ACBD4: variants seen among roughly 807,000 people sequenced by gnomAD.
ACBD4 encodes acyl-CoA binding domain containing 4.
ACBD4 carries 41 observed loss-of-function variants against 46.0 expected under a neutral mutation model. The observed-to-expected ratio is 0.89, with a 90% confidence interval of 0.69 to 1.16. The LOEUF (loss-of-function observed/expected upper bound fraction) is 1.16. Among genes scored for constraint, ACBD4 ranks in the 50% most tolerant of loss-of-function variants. The probability of loss-of-function intolerance (pLI) is 0.00; values close to 1 mark genes in which losing one functional copy is unlikely to be tolerated. For synonymous variants in ACBD4, 162 were observed against 155.9 expected (o/e 1.04, Z -0.29); for missense variants, 393 against 399.5 (o/e 0.98, Z 0.14).
At chr17:45,136,087 C>T in intron 1 of ACBD4, 21 bp from the exon 2 acceptor site, 3 of 1,588,020 alleles carry the variant, frequency 1.9e-6, no homozygotes, top group Non-Finnish European at 8.6e-7. Context: ...GGCCCCCTCA[C>T]ACGAAGGCTG....
At chr17:45,134,953 G>C (rs1248206739), upstream of ACBD4, among the ~76,000 whole-genome samples, 1 of 148,644 alleles carries the variant, frequency 6.7e-6, no homozygotes, top group Non-Finnish European at 1.5e-5. Flanking sequence ...ATCATTCTGC[G>C]ATGTCCATTT....
chr17:45,136,924 CT>C, intron 4 of ACBD4, 94 bp from the exon 5 acceptor site: 2 of 1,600,040 alleles, frequency 1.2e-6, no homozygotes, highest in Non-Finnish European at 8.5e-7. Flanking sequence ...TCTTTGGCCC[CT>C]GACTGGGCAC....
Position 45,136,821 on chromosome 17 carries a change from C to T in ACBD4, c.294+45C>T, listed in dbSNP as rs553028375. ...TGTCCCCAGGCTCCTGGCCAGGTGG[C>T]CTCACCCTTCCAGTTCTGACCCCCA... is the stretch of plus-strand genomic sequence containing the variant. On this transcript the variant is annotated intron_variant, in intron 4 of 9. Transcript: ENST00000321854. 1.2e-5 allele frequency: 19 copies of T among 1,609,966 alleles called. No homozygotes were observed. In the East Asian group the frequency reaches 3.6e-4, roughly 30 times the overall value.
At chr17:45,136,047 C>T (rs376895522) in intron 1 of ACBD4, 61 bp from the exon 2 acceptor site, 6 of 1,303,358 alleles carry the variant, frequency 4.6e-6, no homozygotes, top group Admixed American at 4.1e-5. Context: ...GAAGTGAATC[C>T]TTGGCTTATG....
intron 9 of ACBD4, among the ~76,000 whole-genome samples, chr17:45,139,700 T>C (rs555943498): frequency 6.6e-6 from 1 of 152,302 alleles, no homozygotes; most frequent in East Asian, 1.9e-4. Flanking sequence ...CCCTATGAGA[T>C]AGAGTTTCTT....
In ACBD4 at chr17:45,144,157, T is replaced by C. The variant is rs930316632; in HGVS notation, c.*586T>C. 4 of 152,692 alleles carry C rather than the reference T, an allele frequency of 2.6e-5. 1 individual carries two copies. The highest frequency in any genetic ancestry group is 2.6e-4 in the Admixed American group (4 of 15,322). 9.5% of individuals were successfully genotyped at this position (152,692 alleles called of 1,614,324 possible). On this transcript the variant is annotated 3_prime_UTR_variant, in exon 10 of 10. Coordinates refer to ENST00000321854, the MANE Select transcript of ACBD4 (RefSeq NM_001135705.3). ...ATTCACTTACAAAGGAATGTTTCAC[T>C]AAATAAAAGAAAACCAGAATCTTCT... is the stretch of plus-strand genomic sequence containing the variant.
upstream of ACBD4, chr17:45,132,263 C>A: frequency 7.8e-7 from 1 of 1,275,384 alleles, no homozygotes; most frequent in Non-Finnish European, 9.9e-7. The surrounding 1 kb of genome is among the most constrained non-coding windows in gnomAD (Gnocchi z 4.6). Context: ...TTCTTCAGCG[C>A]CCGCAGCCCG....
In ACBD4 at chr17:45,143,907, A is replaced by C; in HGVS notation, c.*336A>C. ...GTCTCTGGGTCACCCGAATTTTCCC[A>C]CCCCTGCTTCTCCCCGAGGAGGTTG... On this transcript the variant is annotated 3_prime_UTR_variant, in exon 10 of 10. Transcript: ENST00000321854. 3.0e-6 allele frequency: 1 copy of C among 328,010 alleles called. No homozygotes were observed. Among genetic ancestry groups the C allele is most frequent in the Non-Finnish European group, 5.6e-6 (1 of 177,620 alleles). 20.3% of individuals were successfully genotyped at this position (328,010 alleles called of 1,614,324 possible).
rs935961977 is a variant in ACBD4, at chr17:45,136,547, T to C, written c.136T>C (p.Tyr46His). 4 of 1,613,732 alleles carry C rather than the reference T, an allele frequency of 2.5e-6. No homozygotes were observed. The highest frequency in any genetic ancestry group is 1.7e-5 in the Admixed American group (1 of 59,984). ...AGAGATGCTGCGATTCTACAGTTAC[T>C]ACAAGCAGGCCACCATGGGGCCCTG... ...YEEMLRFYSY[Y>H]KQATMGPCLV... Residue 46 changes from tyrosine (Y) to histidine (H), a missense_variant, in exon 3 of 10, where the codon TAC (tyrosine) becomes CAC (histidine). Tyr to His is a moderately conservative substitution (Grantham distance 83, BLOSUM62 2). This residue lies in a region of ACBD4 where 24 missense variants were observed against 47.4 expected (regional missense o/e 0.51). Transcript: ENST00000321854.
intron 9 of ACBD4, 129 bp downstream of exon 9, chr17:45,139,289 T>C: frequency 1.0e-6 from 1 of 968,684 alleles, no homozygotes; most frequent in South Asian, 1.5e-5. Context: ...GAGAATGGCA[T>C]GGCTCCTGCT....
At chr17:45,141,315 A>C (rs1247005015) in intron 9 of ACBD4, among the ~76,000 whole-genome samples, 1 of 152,078 alleles carries the variant, frequency 6.6e-6, no homozygotes, top group Non-Finnish European at 1.5e-5. Context: ...TTTGGGTCTA[A>C]TTACATCCTC....
chr17:45,137,156 G>C lies in ACBD4; in HGVS notation c.415+17G>C, dbSNP rs369967440. ...GGGTCACAGGTCAGACTCCCAGGCT[G>C]GGAGCTCCAAAAGTGCTGAGTGAAC... On this transcript the variant is annotated intron_variant, in intron 5 of 9. Coordinates refer to ENST00000321854, the MANE Select transcript of ACBD4 (RefSeq NM_001135705.3). 1 of 1,613,944 alleles carries C rather than the reference G, an allele frequency of 6.2e-7. No individual in the cohort carries two copies. The highest frequency in any genetic ancestry group is 1.3e-5 in the African/African-American group (1 of 75,024).
chr17:45,136,866 A>T, intron 4 of ACBD4, 90 bp downstream of exon 4: 2 of 1,583,574 alleles, frequency 1.3e-6, no homozygotes, highest in East Asian at 2.3e-5. Flanking sequence ...CTACACATGG[A>T]CCCCCTCATG....
chr17:45,141,208 G>T (rs1219150183), intron 9 of ACBD4, among the ~76,000 whole-genome samples: 3 of 152,152 alleles, frequency 2.0e-5, no homozygotes, highest in Non-Finnish European at 4.4e-5. Flanking sequence ...CATTGCATTT[G>T]TTCCCCTTTC....
chr17:45,134,922 C>T (rs1440524094), upstream of ACBD4, among the ~76,000 whole-genome samples: 1 of 151,960 alleles, frequency 6.6e-6, no homozygotes, highest in African/African-American at 2.4e-5. Context: ...TCCCCAGTAC[C>T]CTTCCCAGCC....
chr17:45,132,626 G>T (rs546149193), upstream of ACBD4: 2 of 264,954 alleles, frequency 7.5e-6, no homozygotes, highest in East Asian at 1.5e-4. This position sits in a 1 kb window ranked among gnomAD's most constrained non-coding sequence, Gnocchi z 4.6. Flanking sequence ...GCCAGGCGGT[G>T]GCCTGGAAGC....
Position 45,139,141 on chromosome 17 carries a change from T to C in ACBD4, c.770T>C (p.Met257Thr). 2.5e-6 allele frequency: 4 copies of C among 1,613,640 alleles called. No homozygotes were observed. The highest frequency in any genetic ancestry group is 2.5e-6 in the Non-Finnish European group (3 of 1,180,008). The change falls in exon 9 of 10, where the codon ATG becomes ACG. Residue 257 changes from methionine (M) to threonine (T), a missense_variant. Physicochemically the swap from Met to Thr is moderately conservative, Grantham distance 81 (BLOSUM62 -1). This residue lies in a region of ACBD4 where 308 missense variants were observed against 301.8 expected (regional missense o/e 1.02). Transcript: ENST00000321854. ...GCGAGGGTGCAGAGCCTGGAGAGCA[T>C]GCCCCGGCCCCCTGAGCAGGTAGAG... is the stretch of plus-strand genomic sequence containing the variant. ...VQARVQSLES[M>T]PRPPEQRPQP...
At chr17:45,133,320 G>C (rs2054560128), upstream of ACBD4, 1 of 152,368 alleles carries the variant, frequency 6.6e-6, no homozygotes, top group East Asian at 1.9e-4. Context: ...TTCTGCGGCC[G>C]GTGGCCTGGG....
chr17:45,136,935 CAGGGTGG>C, intron 4 of ACBD4, 77 bp from the exon 5 acceptor site: 1 of 1,603,040 alleles, frequency 6.2e-7, no homozygotes, highest in Admixed American at 1.7e-5. Flanking sequence ...TGACTGGGCA[CAGGGTGG>C]AGGTGTGTGA....
Sources: allele counts gnomAD v4.1 joint callset (sites outside exome capture counted in the v4.1 genomes callset), GRCh38; gene constraint gnomAD v4.1.1; regional missense constraint gnomAD v4.1.1; non-coding constraint Gnocchi (gnomAD v3.1); transcripts MANE v1.5; gene names NCBI Gene and HGNC (gene_info 2026-07-23, HGNC 2026-07-21).